Variants in PPP6R2 observed in about 807,000 individuals in gnomAD.
The protein encoded by PPP6R2 is serine/threonine-protein phosphatase 6 regulatory subunit 2.
In PPP6R2, 62 loss-of-function variants were observed where a neutral mutation model predicts 100.2. That is an observed-to-expected ratio of 0.62 (90% CI 0.50 to 0.76). The LOEUF (loss-of-function observed/expected upper bound fraction) is 0.76. Among genes scored for constraint, PPP6R2 ranks in the 30% least tolerant of loss-of-function variants. The pLI is 0.00. For synonymous variants in PPP6R2, 525 were observed against 514.7 expected (o/e 1.02, Z -0.27); for missense variants, 1,142 against 1,276.3 (o/e 0.89, Z 1.60).
chr22:50,403,209 G>GA lies in PPP6R2; in HGVS notation c.228-3469dup, dbSNP rs537185433. Among the ~76,000 whole-genome samples, 1,415 of 147,436 alleles carry GA rather than the reference G, an allele frequency of 9.6e-3. 15 individuals carry two copies. Among genetic ancestry groups the GA allele is most frequent in the African/African-American group, 0.02 (789 of 40,394 alleles). ...GCAACAGAGCAAGACTCTGTCTCAA[G>GA]AAAAAAAAAAATCAGTTTGTTCCCT... On this transcript the variant is annotated intron_variant, in intron 3 of 23. Transcript: ENST00000612753.
At chr22:50,363,446 T>C (rs2048172278) in intron 1 of PPP6R2, among the ~76,000 whole-genome samples, 1 of 152,252 alleles carries the variant, frequency 6.6e-6, no homozygotes, top group Non-Finnish European at 1.5e-5. Flanking sequence ...AGCTTCCTTT[T>C]TTTCCCTTTC....
intron 4 of PPP6R2, among the ~76,000 whole-genome samples, chr22:50,413,214 C>T (rs193161993): frequency 6.6e-6 from 1 of 152,126 alleles, no homozygotes; most frequent in Admixed American, 6.6e-5. Context: ...CCACCCACCT[C>T]GGCCTCCCAA....
intron 22 of PPP6R2, among the ~76,000 whole-genome samples, chr22:50,442,589 G>A (rs1378778373): frequency 6.6e-6 from 1 of 152,008 alleles, no homozygotes; most frequent in Non-Finnish European, 1.5e-5. Context: ...TTGCTCTGTT[G>A]CCCAGGCTGG....
In PPP6R2 at chr22:50,372,028, A is replaced by G. The variant is rs1052113455; in HGVS notation, c.-139A>G. The G allele has an allele frequency of 6.6e-6, 1 of 152,172 alleles. No homozygotes were observed. Among genetic ancestry groups the G allele is most frequent in the African/African-American group, 2.4e-5 (1 of 41,452 alleles). The allele number at this position is 152,172 out of a possible 1,614,324, so 9.4% of individuals were successfully genotyped here. A position where few individuals can be genotyped will look rare whatever the true frequency, so the allele number is the denominator to read the frequency against. ...TTCCTCTTATTTTTCAGGTAAAGAG[A>G]TTATAAATCTTCCACTGAATGAAAA... On this transcript the variant is annotated 5_prime_UTR_variant, in exon 2 of 24. Coordinates refer to ENST00000612753, the MANE Select transcript of PPP6R2 (RefSeq NM_001242898.2).
At chr22:50,350,079 C>T (rs1344767558) in intron 1 of PPP6R2, among the ~76,000 whole-genome samples, 1 of 151,948 alleles carries the variant, frequency 6.6e-6, no homozygotes, top group African/African-American at 2.4e-5. Context: ...GATTGTGCCA[C>T]TGCACTCCAG....
chr22:50,406,086 T>G (rs1167770518), intron 3 of PPP6R2, among the ~76,000 whole-genome samples: 9 of 64,814 alleles, frequency 1.4e-4, no homozygotes, highest in Non-Finnish European at 2.1e-4. Context: ...GGCAGGCGAG[T>G]GTGAAGGCCT....
intron 2 of PPP6R2, among the ~76,000 whole-genome samples, chr22:50,384,383 G>T (rs1051055785): frequency 6.6e-6 from 1 of 152,008 alleles, no homozygotes; most frequent in African/African-American, 2.4e-5. Context: ...GTGAAACCCC[G>T]TCTCTACTAA....
chr22:50,431,874 A>G lies in PPP6R2; in HGVS notation c.1336-391A>G, dbSNP rs748906735. Among the ~76,000 whole-genome samples the G allele has an allele frequency of 3.3e-5, 5 of 152,170 alleles. No homozygotes were observed. Among genetic ancestry groups the G allele is most frequent in the Non-Finnish European group, 7.4e-5 (5 of 68,026 alleles). On this transcript the variant is annotated intron_variant, in intron 11 of 23. Coordinates refer to ENST00000612753, the MANE Select transcript of PPP6R2 (RefSeq NM_001242898.2). This position sits in a 1 kb window ranked among gnomAD's most constrained non-coding sequence, Gnocchi z 4.8. ...GTGTCAGGGCCTGGAGGTGAGAGAA[A>G]GTGCTGAGGGCAGACAGCCCTAGTC...
chr22:50,400,002 G>A (rs1412137986), intron 3 of PPP6R2, among the ~76,000 whole-genome samples: 1 of 152,258 alleles, frequency 6.6e-6, no homozygotes, highest in Non-Finnish European at 1.5e-5. Flanking sequence ...GAGACACCAA[G>A]CTGTCGCTTT....
chr22:50,407,704 G>GC (rs1277140986), intron 4 of PPP6R2, among the ~76,000 whole-genome samples: 1 of 152,200 alleles, frequency 6.6e-6, no homozygotes, highest in Non-Finnish European at 1.5e-5. Context: ...CTGGGCTTCT[G>GC]CCCCTCCAGG....
At chr22:50,385,773 C>G (rs2054106460) in intron 2 of PPP6R2, among the ~76,000 whole-genome samples, 1 of 150,382 alleles carries the variant, frequency 6.6e-6, no homozygotes, top group Non-Finnish European at 1.5e-5. Context: ...GCCTCGGCCT[C>G]CCAAAGTGCT....
chr22:50,419,439 C>G lies in PPP6R2; in HGVS notation c.822C>G (p.Thr274=). 1 of 1,614,140 alleles carries G rather than the reference C, an allele frequency of 6.2e-7. No individual in the cohort carries two copies. The highest frequency in any genetic ancestry group is 2.2e-5 in the East Asian group (1 of 44,886). Reference sequence around the variant, plus strand: ...TCAGTGGGACTCAGGTGTTACTCACCTTGCTGGAAACCAGGCGGGTTGGGT... The same window carrying G: ...TCAGTGGGACTCAGGTGTTACTCACGTTGCTGGAAACCAGGCGGGTTGGGT... ...CLVSGTQVLL[T]LLETRRVGTE... is the part of the protein sequence containing the mutation. The change falls in exon 8 of 24, where the codon ACC becomes ACG. Residue 274 remains threonine, a synonymous_variant. Transcript: ENST00000612753.
chr22:50,418,030 G>A (rs1446489869), intron 6 of PPP6R2, among the ~76,000 whole-genome samples: 1 of 152,196 alleles, frequency 6.6e-6, no homozygotes, highest in Non-Finnish European at 1.5e-5. Flanking sequence ...TAGAAAAGAT[G>A]AGTCCTCTGT....
Position 50,406,813 on chromosome 22 carries a change from C to CCT in PPP6R2, c.355_356dup (p.Leu120CysfsTer21). 1 of 1,614,146 alleles carries CCT rather than the reference C, an allele frequency of 6.2e-7. No individual in the cohort carries two copies. Among genetic ancestry groups the CCT allele is most frequent in the Non-Finnish European group, 8.5e-7 (1 of 1,180,002 alleles). On this transcript the variant is annotated frameshift_variant, in exon 4 of 24. Transcript: ENST00000612753. LOFTEE classifies it high-confidence loss of function. Reference sequence around the variant, plus strand: ...CTTGGACCATGAGCCGCCTCTCAATCCTCTGCTCGCCAGTTTTTTCAGCAA... The same window carrying CCT: ...CTTGGACCATGAGCCGCCTCTCAATCCTCTCTGCTCGCCAGTTTTTTCAGCAA...
Position 50,423,661 on chromosome 22 carries a change from G to C in PPP6R2, c.1125+47G>C, listed in dbSNP as rs2061618060. The stretch of plus-strand genomic sequence containing the variant: ...CCCTGCATGTCTGTGAGTGTGCCGG[G>C]CATGGCCTGTGGACTTGTCAGGAGC... On this transcript the variant is annotated intron_variant, in intron 10 of 23. Coordinates refer to ENST00000612753, the MANE Select transcript of PPP6R2 (RefSeq NM_001242898.2). This position sits in a 1 kb window ranked among gnomAD's most constrained non-coding sequence, Gnocchi z 4.8. The C allele has an allele frequency of 6.2e-7, 1 of 1,607,686 alleles. No homozygotes were observed. The highest frequency in any genetic ancestry group is 8.5e-7 in the Non-Finnish European group (1 of 1,175,962).
At chr22:50,352,037 C>T (rs924640499) in intron 1 of PPP6R2, among the ~76,000 whole-genome samples, 7 of 151,890 alleles carry the variant, frequency 4.6e-5, no homozygotes, top group Non-Finnish European at 1.0e-4. Flanking sequence ...CCTCATGATC[C>T]GCCTGCCTCG....
chr22:50,359,167 T>G (rs1354829073), intron 1 of PPP6R2, among the ~76,000 whole-genome samples: 1 of 150,692 alleles, frequency 6.6e-6, no homozygotes, highest in African/African-American at 2.4e-5. Flanking sequence ...GCCCAGCTAA[T>G]GTTTGTATTG....
intron 3 of PPP6R2, among the ~76,000 whole-genome samples, chr22:50,399,063 C>T (rs1331662289): frequency 1.2e-4 from 19 of 152,174 alleles, no homozygotes; most frequent in African/African-American, 4.1e-4. Flanking sequence ...CTGACTAACA[C>T]GGTGAAACCC....
chr22:50,340,984 C>T (rs1172256111), upstream of PPP6R2, among the ~76,000 whole-genome samples: 2 of 152,082 alleles, frequency 1.3e-5, no homozygotes, highest in Non-Finnish European at 2.9e-5. Flanking sequence ...GATCTTGGCT[C>T]GCTGCAACCT....
Sources: allele counts gnomAD v4.1 joint callset (sites outside exome capture counted in the v4.1 genomes callset), GRCh38; gene constraint gnomAD v4.1.1; non-coding constraint Gnocchi (gnomAD v3.1); transcripts MANE v1.5; gene names NCBI Gene and HGNC (gene_info 2026-07-23, HGNC 2026-07-21).